The following FNBP1 variants were observed in gnomAD, a reference collection of about 807,000 sequenced individuals.
FNBP1 encodes the protein formin-binding protein 1.
FNBP1 carries 26 observed loss-of-function variants against 90.6 expected under a neutral mutation model. The observed-to-expected ratio is 0.29, with a 90% CI of 0.21 to 0.40. The LOEUF is 0.40. Among genes scored for constraint, FNBP1 ranks in the 10% least tolerant of loss-of-function variants. The probability of loss-of-function intolerance (pLI) is 1.00; values close to 1 mark genes in which losing one functional copy is unlikely to be tolerated. For synonymous variants in FNBP1, 260 were observed against 265.2 expected, an observed-to-expected ratio of 0.98 and a Z score of 0.19; for missense variants, 635 against 768.0, an observed-to-expected ratio of 0.83 and a Z score of 2.05.
At chr9:129,992,901 T>G (rs1589129251) in intron 2 of FNBP1, among the ~76,000 whole-genome samples, 2 of 137,070 alleles carry the variant, frequency 1.5e-5, no homozygotes, top group Non-Finnish European at 1.6e-5. Context: ...AACTCAATGG[T>G]GAGGGAGCTT....
intron 4 of FNBP1, among the ~76,000 whole-genome samples, chr9:129,972,535 C>CTT (rs368848660): frequency 1.4e-5 from 2 of 139,896 alleles, no homozygotes; most frequent in Non-Finnish European, 3.1e-5. Flanking sequence ...TTTTCTTTTT[C>CTT]TTTTTTTTTT....
chr9:129,891,021 G>T (rs1190093124), intron 16 of FNBP1, among the ~76,000 whole-genome samples: 1 of 152,050 alleles, frequency 6.6e-6, no homozygotes. Context: ...CTGGCGTGGT[G>T]GCAGGTGCCT....
chr9:130,044,188 C>T (rs563247967), upstream of FNBP1, among the ~76,000 whole-genome samples: 102 of 152,336 alleles, frequency 6.7e-4, no homozygotes, highest in Non-Finnish European at 1.4e-3. Flanking sequence ...CTTTCTCCCT[C>T]GGTTAATGCT....
At chr9:129,959,200 G>A (rs992081484) in intron 4 of FNBP1, among the ~76,000 whole-genome samples, 3 of 151,778 alleles carry the variant, frequency 2.0e-5, no homozygotes, top group African/African-American at 7.3e-5. Flanking sequence ...GGGAGGCTGA[G>A]GTTGGAAGCT....
At chr9:129,942,003 G>A (rs138432774) in intron 6 of FNBP1, among the ~76,000 whole-genome samples, 5,604 of 151,724 alleles carry the variant, frequency 0.037, 102 homozygotes, top group South Asian at 0.07. Context: ...CCTGGGAGGC[G>A]GAGGTTGTAG....
intron 1 of FNBP1, among the ~76,000 whole-genome samples, 164 bp from the exon 2 acceptor site, chr9:129,995,122 AC>A (rs1180163018): frequency 1.3e-5 from 2 of 152,238 alleles, no homozygotes; most frequent in Non-Finnish European, 2.9e-5. Flanking sequence ...AATCAACATT[AC>A]CAAATTTGGT....
At chr9:129,967,940 C>A (rs1167838347) in intron 4 of FNBP1, among the ~76,000 whole-genome samples, 2 of 151,654 alleles carry the variant, frequency 1.3e-5, no homozygotes, top group African/African-American at 2.4e-5. Context: ...CTCCCCGGCC[C>A]TGAGCAATCT....
intron 16 of FNBP1, chr9:129,895,583 G>A: frequency 8.1e-7 from 1 of 1,240,250 alleles, no homozygotes; most frequent in Non-Finnish European, 1.0e-6. Context: ...GAATGACATA[G>A]CTGTAAGTTG....
intron 2 of FNBP1, among the ~76,000 whole-genome samples, chr9:129,991,085 C>G (rs945555100): frequency 2.6e-5 from 4 of 151,950 alleles, no homozygotes; most frequent in Non-Finnish European, 5.9e-5. Flanking sequence ...AGGCGCCCAC[C>G]ACCACGCCTG....
Position 129,927,182 on chromosome 9 carries a change from T to C in FNBP1, c.789+13A>G, listed in dbSNP as rs1254696194. 6.2e-7 allele frequency: 1 copy of C among 1,613,100 alleles called. No individual in the cohort carries two copies. The highest frequency in any genetic ancestry group is 8.5e-7 in the Non-Finnish European group (1 of 1,179,360). On this transcript the variant is annotated intron_variant, in intron 8 of 16. Transcript: ENST00000446176. ...CAAATAGTTATCAATGAAGTCCAAA[T>C]GGCAATACTTACATTTTTCTGATCA...
chr9:129,926,224 G>A (rs921287976), intron 8 of FNBP1, among the ~76,000 whole-genome samples: 16 of 152,072 alleles, frequency 1.1e-4, no homozygotes, highest in African/African-American at 3.4e-4. Flanking sequence ...CACCCGCTCC[G>A]GCCTCCCAAA....
Position 129,908,902 on chromosome 9 carries a change from T to A in FNBP1, c.1283A>T (p.Glu428Val). The A allele has an allele frequency of 6.2e-7, 1 of 1,608,452 alleles. No homozygotes were observed. The highest frequency in any genetic ancestry group is 8.5e-7 in the Non-Finnish European group (1 of 1,175,496). Residue 428 changes from glutamate to valine, a missense_variant, in exon 12 of 17, where the codon GAG becomes GTG. Coordinates refer to ENST00000446176, the MANE Select transcript of FNBP1 (RefSeq NM_015033.3). Reference protein sequence around the residue: ...VDELNKEIQKEMDQRDAITKM... With the variant: ...VDELNKEIQKVMDQRDAITKM... Reference sequence around the variant, plus strand: ...TGATGCACTATACCTTTGATCCATCTCCTTCTGAATTTCTTTATTTAACTC... The same window carrying A: ...TGATGCACTATACCTTTGATCCATCACCTTCTGAATTTCTTTATTTAACTC...
chr9:129,994,329 G>A (rs2053661201), intron 2 of FNBP1, among the ~76,000 whole-genome samples: 2 of 152,092 alleles, frequency 1.3e-5, no homozygotes, highest in South Asian at 2.1e-4. Flanking sequence ...CATACCAAAT[G>A]ATTACACTCA....
At chr9:129,930,092 G>A (rs1011690301) in intron 6 of FNBP1, among the ~76,000 whole-genome samples, 4 of 148,454 alleles carry the variant, frequency 2.7e-5, no homozygotes, top group East Asian at 4.0e-4. Flanking sequence ...ACCAGGTCTC[G>A]CTCTGTCACC....
chr9:129,914,781 A>ATATATG (rs1485927212), intron 11 of FNBP1: 10 of 149,270 alleles, frequency 6.7e-5, no homozygotes, highest in Non-Finnish European at 2.9e-5. Flanking sequence ...ATATATATAT[A>ATATATG]TATATATATA....
intron 16 of FNBP1, among the ~76,000 whole-genome samples, chr9:129,894,819 G>A (rs1420320087): frequency 6.6e-6 from 1 of 152,218 alleles, no homozygotes; most frequent in Non-Finnish European, 1.5e-5. Context: ...CAGCACTTTG[G>A]GAGGCAGAAG....
intron 6 of FNBP1, among the ~76,000 whole-genome samples, chr9:129,944,244 T>C (rs1037596588): frequency 1.3e-5 from 2 of 151,758 alleles, no homozygotes; most frequent in Non-Finnish European, 2.9e-5. Context: ...CCAGAATGCC[T>C]AGAATGTTAA....
intron 6 of FNBP1, among the ~76,000 whole-genome samples, chr9:129,943,349 T>C (rs1428112802): frequency 4.6e-5 from 7 of 150,882 alleles, no homozygotes; most frequent in Non-Finnish European, 1.0e-4. Flanking sequence ...TTTTCCTTTA[T>C]CTCACTGGCA....
intron 2 of FNBP1, among the ~76,000 whole-genome samples, chr9:129,988,663 C>T (rs770455672): frequency 5.9e-5 from 9 of 151,814 alleles, no homozygotes; most frequent in African/African-American, 1.2e-4. Flanking sequence ...GGTGACAGAG[C>T]GAGACTCCAT....
Sources: gnomAD v4.1 joint callset for allele counts (sites outside exome capture counted in the v4.1 genomes callset) on GRCh38, gnomAD v4.1.1 for gene constraint, MANE v1.5 for transcripts, NCBI Gene and HGNC (gene_info 2026-07-23, HGNC 2026-07-21) for gene names.